USP6: variants seen among roughly 807,000 people sequenced by gnomAD.
The protein encoded by USP6 is ubiquitin carboxyl-terminal hydrolase 6.
In USP6, 128 loss-of-function variants were observed where a neutral mutation model predicts 175.7. The observed-to-expected ratio is 0.73, with a 90% CI of 0.63 to 0.84. USP6 has a LOEUF of 0.84. Ranked by LOEUF, USP6 falls within the 40% of genes least tolerant of loss-of-function variation. USP6 has a pLI of 0.00. For synonymous variants in USP6, 562 were observed against 630.6 expected, an observed-to-expected ratio of 0.89 and a Z score of 1.63; for missense variants, 1,498 against 1,760.3, an observed-to-expected ratio of 0.85 and a Z score of 2.67.
chr17:5,133,490 G>A lies in USP6; in HGVS notation c.324G>A (p.Pro108=), dbSNP rs1329091734. The change falls in exon 14 of 38, where the codon CCG becomes CCA. Residue 108 remains proline (P), a synonymous_variant. Transcript: ENST00000574788. ...GAATTCCCATGAACATCCGGGGCCC[G>A]GTGTGGTCAGTCCTCCTGAACATTC... The part of the protein sequence containing the change: ...YKGIPMNIRG[P]VWSVLLNIQE... 2.9e-5 allele frequency: 46 copies of A among 1,611,606 alleles called. No individual in the cohort carries two copies. The Admixed American group carries it at 6.7e-4, about 23-fold the overall frequency.
At position 5,139,429 on chromosome 17, in the gene USP6, G is replaced by A; in HGVS notation, c.1253G>A (p.Gly418Glu). The A allele has an allele frequency of 6.2e-7, 1 of 1,613,084 alleles. No individual in the cohort carries two copies. The highest frequency in any genetic ancestry group is 8.5e-7 in the Non-Finnish European group (1 of 1,180,020). ...ASRFSTPCPG[G>E]AVREDTYPVG... Reference sequence around the variant, plus strand: ...CGTTTTTCCACGCCCTGTCCTGGTGGGGCTGTCCGGGAAGACACGTACCCT... The same window carrying A: ...CGTTTTTCCACGCCCTGTCCTGGTGAGGCTGTCCGGGAAGACACGTACCCT... Residue 418 changes from glycine (G) to glutamate (E), a missense_variant, in exon 22 of 38, where the codon GGG becomes GAG. Physicochemically the swap from Gly to Glu is moderately conservative, Grantham distance 98. Transcript: ENST00000574788.
chr17:5,153,691 T>G (rs2073822527), intron 30 of USP6, among the ~76,000 whole-genome samples: 1 of 151,940 alleles, frequency 6.6e-6, no homozygotes, highest in African/African-American at 2.4e-5. Flanking sequence ...TTCTTGCTGT[T>G]GTTGCCCAGG....
In USP6 at chr17:5,132,791, C is replaced by G. The variant is rs1456688076; in HGVS notation, c.196-119C>G. The G allele has an allele frequency of 1.5e-5, 19 of 1,272,734 alleles. No individual in the cohort carries two copies. The highest frequency in any genetic ancestry group is 1.8e-5 in the Non-Finnish European group (16 of 873,750). 78.8% of individuals were successfully genotyped at this position (1,272,734 alleles called of 1,614,324 possible). ...AAGGCTCTCAGCCCTTAGGGTCTGCCCTTCCCTGGCTCCTTCCAGTTGGGT... is the reference window on the plus strand; with the variant it reads ...AAGGCTCTCAGCCCTTAGGGTCTGCGCTTCCCTGGCTCCTTCCAGTTGGGT... On this transcript the variant is annotated intron_variant, in intron 12 of 37. Coordinates refer to ENST00000574788, the MANE Select transcript of USP6 (RefSeq NM_001304284.2). The surrounding 1 kb of genome is among the most constrained non-coding windows in gnomAD (Gnocchi z 4.7).
In USP6 at chr17:5,155,424, G is replaced by A. The variant is rs1449779917; in HGVS notation, c.2646G>A (p.Met882Ile). 1.9e-6 allele frequency: 3 copies of A among 1,613,350 alleles called. No homozygotes were observed. The highest frequency in any genetic ancestry group is 2.5e-6 in the Non-Finnish European group (3 of 1,179,584). ...GYIIAVHRKM[M>I]RTELYFLSPQ... ...TCTATTCTCGTTTGTACATACAGAT[G>A]AGGACAGAACTGTATTTCCTGTCAC... Residue 882 changes from methionine (M) to isoleucine (I), a missense_variant and splice_region_variant, in exon 31 of 38, where the codon ATG (methionine) becomes ATA (isoleucine). Around this residue, in one of 2 missense-constraint regions of USP6, gnomAD observed 1,217 missense variants for 1,500.8 expected, o/e 0.81. Transcript: ENST00000574788.
rs1387483147 is a variant in USP6, at chr17:5,130,381, A to C, written c.14A>C (p.Glu5Ala). The change falls in exon 10 of 38, where the codon GAG becomes GCG. Residue 5 changes from glutamate to alanine, a missense_variant. Coordinates refer to ENST00000574788, the MANE Select transcript of USP6 (RefSeq NM_001304284.2). ...TTGTCTCACAGGATGGACATGGTAG[A>C]GAATGCAGATAGTTTGCAGGCACAG... Reference protein sequence around the residue: MDMVENADSLQAQER... With the variant: MDMVANADSLQAQER... The C allele has an allele frequency of 2.5e-6, 4 of 1,614,142 alleles. No homozygotes were observed. In the South Asian group the frequency reaches 4.4e-5, roughly 18 times the overall value.
chr17:5,138,648 CCTCA>C, intron 21 of USP6, among the ~76,000 whole-genome samples: 1 of 152,254 alleles, frequency 6.6e-6, no homozygotes, highest in African/African-American at 2.4e-5. Flanking sequence ...AGCAGAGGCC[CCTCA>C]CTCCTGCACG....
In USP6 at chr17:5,116,582, C is replaced by T. The variant is rs1367777640; in HGVS notation, c.-2086C>T. 6.6e-6 allele frequency: 1 copy of T among 152,316 alleles called. No individual in the cohort carries two copies. Among genetic ancestry groups the T allele is most frequent in the Non-Finnish European group, 1.5e-5 (1 of 68,124 alleles). 9.4% of individuals were successfully genotyped at this position (152,316 alleles called of 1,614,324 possible). ...GTTGCTGCCTTACGATGGCCGTGGC[C>T]CGTGGAGGCACTAGACCCTCACCAG... On this transcript the variant is annotated 5_prime_UTR_variant, in exon 1 of 38. Transcript: ENST00000574788.
chr17:5,155,093 T>C (rs1401503459), intron 30 of USP6, among the ~76,000 whole-genome samples: 3 of 152,260 alleles, frequency 2.0e-5, no homozygotes, highest in Non-Finnish European at 4.4e-5. Context: ...CCTTTAGCTA[T>C]GAAGCTATTA....
chr17:5,122,534 C>T (rs368889441), intron 4 of USP6, among the ~76,000 whole-genome samples: 3 of 152,242 alleles, frequency 2.0e-5, no homozygotes, highest in Non-Finnish European at 4.4e-5. Context: ...TTCCTTGGCC[C>T]GCGTGCCACC....
Position 5,148,616 on chromosome 17 carries a change from C to T in USP6, c.2492C>T (p.Pro831Leu), listed in dbSNP as rs777795086. ...MFTLTTNGDL[P>L]KPIFIPNGMP... ...ACCCTAACTACCAATGGGGACCTAC[C>T]CAAACCAATATTCATCCCCAATGGA... Residue 831 changes from proline to leucine, a missense_variant, in exon 30 of 38, where the codon CCC becomes CTC. Pro to Leu is a moderately conservative substitution (Grantham distance 98). Transcript: ENST00000574788. The T allele has an allele frequency of 6.2e-7, 1 of 1,613,878 alleles. No individual in the cohort carries two copies. The highest frequency in any genetic ancestry group is 8.5e-7 in the Non-Finnish European group (1 of 1,179,858).
chr17:5,147,155 C>T lies in USP6; in HGVS notation c.2392C>T (p.Pro798Ser). 1 of 1,613,460 alleles carries T rather than the reference C, an allele frequency of 6.2e-7. No individual in the cohort carries two copies. Among genetic ancestry groups the T allele is most frequent in the Non-Finnish European group, 8.5e-7 (1 of 1,179,700 alleles). ...GFLCAFEIPV[P>S]SSPISASSPT... is the part of the protein sequence containing the mutation. ...TTTGTGTGCATTTGAAATTCCTGTCCCTTCATCTCCAATTTCAGCTTCTAG... is the reference window on the plus strand; with the variant it reads ...TTTGTGTGCATTTGAAATTCCTGTCTCTTCATCTCCAATTTCAGCTTCTAG... Residue 798 changes from proline to serine, a missense_variant, in exon 29 of 38, where the codon CCT (proline) becomes TCT (serine). Physicochemically the swap from Pro to Ser is moderately conservative, Grantham distance 74. This residue lies in a region of USP6 where 1,217 missense variants were observed against 1,500.8 expected (regional missense o/e 0.81). Transcript: ENST00000574788.
chr17:5,137,169 C>A lies in USP6; in HGVS notation c.808C>A (p.Arg270=). The change falls in exon 19 of 38, where the codon CGG becomes AGG. Residue 270 remains arginine (R), a synonymous_variant. Coordinates refer to ENST00000574788, the MANE Select transcript of USP6 (RefSeq NM_001304284.2). ...GTGTGCCTCGTTAGGCTGCCTTCTC[C>A]GGAACCTGATTGACGGGGTAAGGAG... The part of the protein sequence containing the change: ...GQCASLGCLL[R]NLIDGISLGL... 6.2e-7 allele frequency: 1 copy of A among 1,613,316 alleles called. No homozygotes were observed. The highest frequency in any genetic ancestry group is 8.5e-7 in the Non-Finnish European group (1 of 1,179,562).
At chr17:5,117,542 A>G (rs562871573) in intron 1 of USP6, among the ~76,000 whole-genome samples, 19 of 152,032 alleles carry the variant, frequency 1.2e-4, no homozygotes, top group Non-Finnish European at 1.9e-4. Flanking sequence ...AGCTCAATAA[A>G]TATTTACAGC....
chr17:5,123,897 G>T (rs892066638), intron 4 of USP6, among the ~76,000 whole-genome samples: 5 of 144,584 alleles, frequency 3.5e-5, no homozygotes, highest in Admixed American at 2.0e-4. Flanking sequence ...GCGCAAGCAC[G>T]CACGTGCGCA....
At chr17:5,130,281 A>C (rs1182959816) in intron 9 of USP6, 86 bp from the exon 10 acceptor site, 3 of 1,355,872 alleles carry the variant, frequency 2.2e-6, no homozygotes, top group Non-Finnish European at 2.1e-6. Flanking sequence ...ACAACCAGCC[A>C]GCATCTGGGA....
chr17:5,125,250 G>A lies in USP6; in HGVS notation c.-614G>A. On this transcript the variant is annotated 5_prime_UTR_variant, in exon 5 of 38. Coordinates refer to ENST00000574788, the MANE Select transcript of USP6 (RefSeq NM_001304284.2). ...GTAGTTGCAGGAAAACAAGTTCAGG[G>A]CTCCCACTGATTCTACATTATGGTG... The A allele has an allele frequency of 6.3e-6, 1 of 159,402 alleles. No individual in the cohort carries two copies. The highest frequency in any genetic ancestry group is 1.4e-5 in the Non-Finnish European group (1 of 73,522). 9.9% of individuals were successfully genotyped at this position (159,402 alleles called of 1,614,324 possible). A position where few individuals can be genotyped will look rare whatever the true frequency, so the allele number is the denominator to read the frequency against.
chr17:5,171,757 T>C, intron 37 of USP6, 78 bp downstream of exon 37: 2 of 1,428,928 alleles, frequency 1.4e-6, no homozygotes, highest in Non-Finnish European at 1.9e-6. Flanking sequence ...ATGGACTATC[T>C]CTTGAATAGG....
At chr17:5,171,499 C>T in intron 36 of USP6, 88 bp from the exon 37 acceptor site, 2 of 1,194,328 alleles carry the variant, frequency 1.7e-6, no homozygotes, top group Non-Finnish European at 2.3e-6. Context: ...TTTACATGAT[C>T]AGTGTTCTCC....
At chr17:5,133,796 C>T (rs1042329331) in intron 14 of USP6, 91 bp from the exon 15 acceptor site, 21 of 1,389,010 alleles carry the variant, frequency 1.5e-5, no homozygotes, top group African/African-American at 2.8e-5. Flanking sequence ...CCTTCCTTCC[C>T]GAAGTGCTGA....
Sources: allele counts gnomAD v4.1 joint callset (sites outside exome capture counted in the v4.1 genomes callset), GRCh38; gene constraint gnomAD v4.1.1; regional missense constraint gnomAD v4.1.1; non-coding constraint Gnocchi (gnomAD v3.1); transcripts MANE v1.5; gene names NCBI Gene and HGNC (gene_info 2026-07-23, HGNC 2026-07-21).